WDFY3: variants seen among roughly 807,000 people sequenced by gnomAD.
WDFY3 encodes the protein WD repeat and FYVE domain-containing protein 3.
Under a neutral mutation model 409.6 loss-of-function variants are expected in WDFY3, and 66 were observed. The observed-to-expected ratio is 0.16, with a 90% CI of 0.13 to 0.20. The LOEUF (loss-of-function observed/expected upper bound fraction) is 0.20. Ranked by LOEUF, WDFY3 falls within the 10% of genes least tolerant of loss-of-function variation. The pLI, the probability that WDFY3 is intolerant of heterozygous loss-of-function variation, is 1.00. For synonymous variants in WDFY3, 1,521 were observed against 1,537.1 expected, an observed-to-expected ratio of 0.99 and a Z score of 0.25; for missense variants, 3,031 against 4,298.1, an observed-to-expected ratio of 0.71 and a Z score of 8.24.
At chr4:84,684,934 C>T (rs2148806106) in intron 62 of WDFY3, among the ~76,000 whole-genome samples, 1 of 152,292 alleles carries the variant, frequency 6.6e-6, no homozygotes, top group South Asian at 2.1e-4. Context: ...TTCAGATGTT[C>T]TAGTTAACAC....
rs563999360 is a variant in WDFY3 at position 84,780,058 on chromosome 4, A to T, written c.4365+50T>A. The T allele has an allele frequency of 4.1e-6, 6 of 1,474,484 alleles. No individual in the cohort carries two copies. In the South Asian group the frequency reaches 7.6e-5, roughly 19 times the overall value. The allele number at this position is 1,474,484 out of a possible 1,614,324, so 91.3% of individuals were successfully genotyped here. ...AACATGAATGATAATAAAAAAGCAG[A>T]GTATTTTAGGTGCCAGGTGAAGTGA... On this transcript the variant is annotated intron_variant, in intron 26 of 67. Coordinates refer to ENST00000295888, the MANE Select transcript of WDFY3 (RefSeq NM_014991.6).
intron 5 of WDFY3, among the ~76,000 whole-genome samples, chr4:84,842,781 AAAAAC>A (rs1164374372): frequency 6.6e-6 from 1 of 152,236 alleles, no homozygotes; most frequent in Non-Finnish European, 1.5e-5. Flanking sequence ...ACTCCGTCTC[AAAAAC>A]AAAACAAAAC....
At chr4:84,750,204 A>G (rs567612563) in intron 36 of WDFY3, among the ~76,000 whole-genome samples, 4 of 152,110 alleles carry the variant, frequency 2.6e-5, no homozygotes, top group South Asian at 4.2e-4. Flanking sequence ...TCTCTCTTAG[A>G]GCTTTTTAAA....
chr4:84,838,565 C>G (rs2150005119), intron 6 of WDFY3, among the ~76,000 whole-genome samples: 1 of 152,216 alleles, frequency 6.6e-6, no homozygotes, highest in Non-Finnish European at 1.5e-5. Flanking sequence ...CCCCCCAAAC[C>G]ACATGAGAGA....
chr4:84,849,811 A>G, intron 5 of WDFY3, 91 bp downstream of exon 5: 1 of 1,529,412 alleles, frequency 6.5e-7, no homozygotes, highest in Admixed American at 2.0e-5. Flanking sequence ...GCTGAGAACA[A>G]GGTCTGTTTT....
chr4:84,850,331 T>TGG (rs113642119), intron 4 of WDFY3, among the ~76,000 whole-genome samples: 131 of 150,896 alleles, frequency 8.7e-4, no homozygotes, highest in African/African-American at 2.4e-3. Context: ...TTCTTTTTTT[T>TGG]TGGGGGGGAC....
At chr4:84,799,059 G>A (rs1750016426) in intron 17 of WDFY3, among the ~76,000 whole-genome samples, 1 of 151,972 alleles carries the variant, frequency 6.6e-6, no homozygotes. Context: ...CTCTACCCTG[G>A]ACCACCATAT....
chr4:84,808,215 C>A, intron 15 of WDFY3, 119 bp downstream of exon 15: 7 of 863,878 alleles, frequency 8.1e-6, no homozygotes, highest in South Asian at 2.1e-5. Context: ...AAAAACAAAA[C>A]AAAACAAAAC....
At chr4:84,717,126 T>C in intron 48 of WDFY3, 110 bp from the exon 49 acceptor site, 2 of 1,194,464 alleles carry the variant, frequency 1.7e-6, no homozygotes, top group Non-Finnish European at 2.2e-6. Flanking sequence ...AGGAGTAATA[T>C]ATATCAGAAT....
At chr4:84,690,709 A>G in intron 60 of WDFY3, 45 bp from the exon 61 acceptor site, 2 of 1,545,242 alleles carry the variant, frequency 1.3e-6, no homozygotes, top group Middle Eastern at 1.7e-4. Flanking sequence ...GTTAAGTACT[A>G]TACAAACTTC....
At chr4:84,717,591 T>G (rs535537252) in intron 48 of WDFY3, among the ~76,000 whole-genome samples, 1 of 152,200 alleles carries the variant, frequency 6.6e-6, no homozygotes, top group African/African-American at 2.4e-5. Flanking sequence ...AGCCCTAAGC[T>G]TCTTAACTTT....
chr4:84,897,280 C>A (rs1448968667), intron 2 of WDFY3, among the ~76,000 whole-genome samples: 2 of 152,108 alleles, frequency 1.3e-5, no homozygotes, highest in Non-Finnish European at 2.9e-5. Context: ...AGAACCACTG[C>A]CACAGAAATA....
chr4:84,835,963 T>C (rs983343395), intron 7 of WDFY3, among the ~76,000 whole-genome samples: 3 of 152,204 alleles, frequency 2.0e-5, no homozygotes, highest in Non-Finnish European at 4.4e-5. Context: ...ATCTGCATCT[T>C]AGATGACTTT....
chr4:84,703,330 A>G (rs1284435661), intron 55 of WDFY3, among the ~76,000 whole-genome samples: 1 of 152,092 alleles, frequency 6.6e-6, no homozygotes, highest in Non-Finnish European at 1.5e-5. Context: ...GAAAAGGGAT[A>G]TTTTTCACTA....
intron 1 of WDFY3, among the ~76,000 whole-genome samples, chr4:84,960,353 A>G (rs901667604): frequency 2.6e-5 from 4 of 152,020 alleles, no homozygotes; most frequent in African/African-American, 9.7e-5. Context: ...CCTCCACACC[A>G]TATGTACCTA....
intron 3 of WDFY3, among the ~76,000 whole-genome samples, chr4:84,868,189 AAAAAAAAAAAAAAAAAAGATTT>A (rs1219540930): frequency 6.7e-6 from 1 of 148,992 alleles, no homozygotes; most frequent in East Asian, 1.9e-4. Flanking sequence ...AAAAAAAAAA[AAAAAAAAAAAAAAAAAAGATTT>A]ATAAGCAATT....
At chr4:84,816,456 A>T (rs1753313837) in intron 13 of WDFY3, among the ~76,000 whole-genome samples, 1 of 152,178 alleles carries the variant, frequency 6.6e-6, no homozygotes, top group Non-Finnish European at 1.5e-5. Context: ...CAGTATGTAA[A>T]GCAGGGACAC....
chr4:84,759,122 G>T (rs1031516171), intron 32 of WDFY3, among the ~76,000 whole-genome samples: 1 of 152,032 alleles, frequency 6.6e-6, no homozygotes, highest in Non-Finnish European at 1.5e-5. Flanking sequence ...GTAGATATGC[G>T]GCGTTATTTC....
intron 2 of WDFY3, among the ~76,000 whole-genome samples, chr4:84,924,066 G>T (rs1386431147): frequency 6.6e-6 from 1 of 152,088 alleles, no homozygotes; most frequent in Non-Finnish European, 1.5e-5. Flanking sequence ...ACATTAATGG[G>T]GGAAGCACTC....
Sources: allele counts gnomAD v4.1 joint callset (sites outside exome capture counted in the v4.1 genomes callset), GRCh38; gene constraint gnomAD v4.1.1; transcripts MANE v1.5; gene names NCBI Gene and HGNC (gene_info 2026-07-23, HGNC 2026-07-21).